Variants in GSTM4 observed in about 807,000 individuals in gnomAD.
The protein encoded by GSTM4 is glutathione S-transferase mu 4, also known as GST class-mu 4.
GSTM4 carries 27 observed loss-of-function variants against 30.1 expected under a neutral mutation model. The observed-to-expected ratio is 0.90, with a 90% CI of 0.66 to 1.24. The LOEUF (loss-of-function observed/expected upper bound fraction) is 1.24, where lower values mean the gene tolerates loss of function less well. Among genes scored for constraint, GSTM4 ranks in the 50% most tolerant of loss-of-function variants. GSTM4 has a pLI of 0.00. For synonymous variants in GSTM4, 94 were observed against 96.2 expected (o/e 0.98, Z 0.13); for missense variants, 238 against 272.1 (o/e 0.87, Z 0.88).
chr1:109,659,160 C>T (rs535302577), intron 7 of GSTM4, 50 bp downstream of exon 7: 2 of 1,614,230 alleles, frequency 1.2e-6, no homozygotes, highest in African/African-American at 2.7e-5. Context: ...TCCGTTACCT[C>T]CTTTCAGATG....
At position 109,661,365 on chromosome 1, in the gene GSTM4, C is replaced by T. The variant is rs1652309890; in HGVS notation, c.*111C>T. The T allele has an allele frequency of 1.3e-6, 2 of 1,573,692 alleles. No homozygotes were observed. The highest frequency in any genetic ancestry group is 2.3e-5 in the East Asian group (1 of 43,986). On this transcript the variant is annotated 3_prime_UTR_variant, in exon 8 of 8. Transcript: ENST00000369836. ...AGCACCTGCCTCCTCGTTCCTTTCT[C>T]CTGTTTATTCCCATCTTTACCCCCA...
At chr1:109,658,005 A>G in intron 5 of GSTM4, 133 bp downstream of exon 5, 1 of 703,154 alleles carries the variant, frequency 1.4e-6, no homozygotes, top group East Asian at 2.7e-5. Context: ...TGACTGTCAT[A>G]TCATTAAACT....
intron 7 of GSTM4, chr1:109,659,720 T>G: frequency 2.5e-6 from 1 of 400,736 alleles, no homozygotes; most frequent in South Asian, 1.9e-5. Flanking sequence ...GTTGAAGGAG[T>G]GTATGTTGAA....
chr1:109,657,651 T>C lies in GSTM4; in HGVS notation c.239T>C (p.Ile80Thr), dbSNP rs199855561. The C allele has an allele frequency of 1.2e-6, 2 of 1,614,214 alleles. No individual in the cohort carries two copies. The highest frequency in any genetic ancestry group is 2.2e-5 in the East Asian group (1 of 44,886). Residue 80 changes from isoleucine to threonine, a missense_variant, in exon 4 of 8, where the codon ATT becomes ACT. Physicochemically the swap from Ile to Thr is moderately conservative, Grantham distance 89 (BLOSUM62 -1). Transcript: ENST00000369836. ...CAGAGCAACGCCATCCTGTGCTACATTGCCCGCAAGCACAACCTGTGTGAG... is the reference window on the plus strand; with the variant it reads ...CAGAGCAACGCCATCCTGTGCTACACTGCCCGCAAGCACAACCTGTGTGAG... ...ITQSNAILCY[I>T]ARKHNLCGET...
At position 109,656,324 on chromosome 1, in the gene GSTM4, A is replaced by G; in HGVS notation, c.-66A>G. The G allele has an allele frequency of 2.0e-6, 3 of 1,498,284 alleles. No homozygotes were observed. The highest frequency in any genetic ancestry group is 2.3e-5 in the South Asian group (2 of 88,828). The allele number at this position is 1,498,284 out of a possible 1,614,324, so 92.8% of individuals were successfully genotyped here. On this transcript the variant is annotated 5_prime_UTR_variant, in exon 1 of 8. Coordinates refer to ENST00000369836, the MANE Select transcript of GSTM4 (RefSeq NM_000850.5). ...TAGGTCCAGCCCCTGCGTGCCGGGA[A>G]CCCCAGAGGAGGTCGCAGTTCAGCC...
At chr1:109,666,144 G>T (rs1647313217), downstream of GSTM4, among the ~76,000 whole-genome samples, 1 of 152,148 alleles carries the variant, frequency 6.6e-6, no homozygotes, top group African/African-American at 2.4e-5. Flanking sequence ...AGGCTGGAGT[G>T]CAGTGGTGTG....
downstream of GSTM4, chr1:109,665,055 G>C: frequency 1.4e-6 from 2 of 1,409,970 alleles, no homozygotes; most frequent in Non-Finnish European, 2.0e-6. Context: ...GCATCAACTT[G>C]ACTGGGCTAA....
chr1:109,664,868 A>G (rs1391173889), downstream of GSTM4: 1 of 805,458 alleles, frequency 1.2e-6, no homozygotes, highest in Non-Finnish European at 2.1e-6. Context: ...CCCGTCCTTG[A>G]ATCTCCTGTA....
chr1:109,658,520 C>G, intron 5 of GSTM4: 1 of 415,550 alleles, frequency 2.4e-6, no homozygotes. Flanking sequence ...GGGTCCAGAG[C>G]CTGCCAGGTA....
At position 109,661,576 on chromosome 1, in the gene GSTM4, G is replaced by A. The variant is rs551841485; in HGVS notation, c.*322G>A. The A allele has an allele frequency of 5.2e-5, 67 of 1,280,190 alleles. No homozygotes were observed. Among genetic ancestry groups the A allele is most frequent in the South Asian group, 1.3e-4 (8 of 61,682 alleles). 79.3% of individuals were successfully genotyped at this position (1,280,190 alleles called of 1,614,324 possible). ...CTTTGAAGGGCCTACCTGGCCCCTC[G>A]CCTGTGGAGCTCAGCCCTGAGCTGT... On this transcript the variant is annotated 3_prime_UTR_variant, in exon 8 of 8. Transcript: ENST00000369836.
At chr1:109,657,390 C>T in intron 3 of GSTM4, 111 bp downstream of exon 3, 5 of 1,472,790 alleles carry the variant, frequency 3.4e-6, no homozygotes, top group Non-Finnish European at 4.7e-6. Context: ...CCCAATTCCT[C>T]TCACTCCTGG....
downstream of GSTM4, among the ~76,000 whole-genome samples, chr1:109,662,355 T>C (rs1652350743): frequency 6.6e-6 from 1 of 152,216 alleles, no homozygotes; most frequent in South Asian, 2.1e-4. Context: ...CCTTCTGTCT[T>C]CCACACTGAC....
chr1:109,658,753 G>A, intron 5 of GSTM4, 61 bp from the exon 6 acceptor site: 1 of 1,219,630 alleles, frequency 8.2e-7, no homozygotes, highest in Admixed American at 1.7e-5. Context: ...CAGCCCTGGG[G>A]AGGCCACATC....
intron 7 of GSTM4, chr1:109,660,338 TC>T (rs200637989): frequency 0.016 from 2,419 of 153,872 alleles, 26 homozygotes; most frequent in Admixed American, 0.033. Flanking sequence ...GGCTATTTGA[TC>T]CTGGAAAGAT....
Position 109,657,779 on chromosome 1 carries a change from G to C in GSTM4, c.267G>C (p.Glu89Asp), listed in dbSNP as rs769618946. 1 of 1,614,218 alleles carries C rather than the reference G, an allele frequency of 6.2e-7. No individual in the cohort carries two copies. The highest frequency in any genetic ancestry group is 1.3e-5 in the African/African-American group (1 of 75,048). ...YIARKHNLCG[E>D]TEEEKIRVDI... ...GTGTTTTGTGGGTGGCAGGTGGGGA[G>C]ACAGAAGAGGAGAAGATTCGTGTGG... The change falls in exon 5 of 8, where the codon GAG (glutamate) becomes GAC (aspartate). Residue 89 changes from glutamate (E) to aspartate (D), a missense_variant. Glu to Asp is a conservative substitution (Grantham distance 45). Coordinates refer to ENST00000369836, the MANE Select transcript of GSTM4 (RefSeq NM_000850.5).
At chr1:109,665,612 T>C (rs574136444), downstream of GSTM4, 2 of 152,210 alleles carry the variant, frequency 1.3e-5, no homozygotes, top group Non-Finnish European at 2.9e-5. Context: ...CAAAAACTCA[T>C]CATCAATAAG....
chr1:109,665,206 A>G (rs1263050545), downstream of GSTM4: 22 of 651,660 alleles, frequency 3.4e-5, no homozygotes, highest in Non-Finnish European at 5.6e-5. Context: ...CAGAGAGAAG[A>G]AAAAGACAGG....
In GSTM4 at chr1:109,658,987, T is replaced by G; in HGVS notation, c.457-13T>G. ...ACAGAGATTCCAGCCCACACATTCT[T>G]GGCCTTCTGCAGATCACCTTTGTAG... is the stretch of plus-strand genomic sequence containing the variant. On this transcript the variant is annotated splice_polypyrimidine_tract_variant and intron_variant, in intron 6 of 7. Transcript: ENST00000369836. 2 of 1,614,096 alleles carry G rather than the reference T, an allele frequency of 1.2e-6. No homozygotes were observed. Among genetic ancestry groups the G allele is most frequent in the Non-Finnish European group, 1.7e-6 (2 of 1,179,888 alleles).
rs74114775 is a variant in GSTM4, at chr1:109,656,587, T to C, written c.37-125T>C. On this transcript the variant is annotated intron_variant, in intron 1 of 7. Coordinates refer to ENST00000369836, the MANE Select transcript of GSTM4 (RefSeq NM_000850.5). The stretch of plus-strand genomic sequence containing the variant: ...GTGTGTGTGTGTGTGTGTGTGTGTG[T>C]GTGCGTGCGCCGGGGTGGGGGGGGG... 2.9e-3 allele frequency: 1,715 copies of C among 601,638 alleles called. 13 individuals carry two copies. The African/African-American group carries it at 0.041, about 14-fold the overall frequency. The allele number at this position is 601,638 out of a possible 1,614,324, so 37.3% of individuals were successfully genotyped here.
Sources: allele counts gnomAD v4.1 joint callset (sites outside exome capture counted in the v4.1 genomes callset), GRCh38; gene constraint gnomAD v4.1.1; transcripts MANE v1.5; gene names NCBI Gene and HGNC (gene_info 2026-07-23, HGNC 2026-07-21).